Variants in DST observed in about 807,000 individuals in gnomAD.
The protein encoded by DST is dystonin, also known as bullous pemphigoid antigen.
Under a neutral mutation model 875.2 loss-of-function variants are expected in DST, and 253 were observed. The observed-to-expected ratio is 0.29, with a 90% CI of 0.26 to 0.32. The LOEUF (loss-of-function observed/expected upper bound fraction) is 0.32, where lower values mean the gene tolerates loss of function less well. Among genes scored for constraint, DST ranks in the 10% least tolerant of loss-of-function variants. The pLI is 1.00. For synonymous variants in DST, 3,124 were observed against 3,197.1 expected (o/e 0.98, Z 0.77); for missense variants, 8,287 against 9,111.6 (o/e 0.91, Z 3.68).
chr6:56,656,470 T>TA (rs1271455427), intron 10 of DST, among the ~76,000 whole-genome samples: 1 of 152,230 alleles, frequency 6.6e-6, no homozygotes, highest in African/African-American at 2.4e-5. Flanking sequence ...TAAATACTGA[T>TA]ACCTACTATG....
chr6:56,587,314 A>T (rs1370383925), intron 49 of DST, among the ~76,000 whole-genome samples: 1 of 152,264 alleles, frequency 6.6e-6, no homozygotes, highest in African/African-American at 2.4e-5. Context: ...GGTATCAGCG[A>T]TGGAAGATGA....
At position 56,526,525 on chromosome 6, in the gene DST, A is replaced by C; in HGVS notation, c.17965T>G (p.Ser5989Ala). The change falls in exon 69 of 104, where the codon TCC becomes GCC. Residue 5989 changes from serine (S) to alanine (A), a missense_variant. Transcript: ENST00000680361. ...AAAGCACTGCTCACTTCATTAAGGG[A>C]GTCCAGTAAGGCTTTGTTGTTCTTA... Reference protein sequence around the residue: ...EAKNNKALLDSLNEVSSALLE... With the variant: ...EAKNNKALLDALNEVSSALLE... 6.2e-7 allele frequency: 1 copy of C among 1,613,726 alleles called. No homozygotes were observed. Among genetic ancestry groups the C allele is most frequent in the Non-Finnish European group, 8.5e-7 (1 of 1,179,722 alleles).
chr6:56,819,238 A>G (rs1046488350), intron 4 of DST, among the ~76,000 whole-genome samples: 1 of 152,190 alleles, frequency 6.6e-6, no homozygotes, highest in Non-Finnish European at 1.5e-5. Context: ...CGGCTAAAAC[A>G]TCTACCAGAG....
At chr6:56,556,532 A>T (rs1048010968) in intron 59 of DST, among the ~76,000 whole-genome samples, 1 of 152,122 alleles carries the variant, frequency 6.6e-6, no homozygotes, top group African/African-American at 2.4e-5. Context: ...CCAGATATTT[A>T]CTTTTATCTT....
rs114106246 is a variant in DST at position 56,570,197 on chromosome 6, C to T, written c.13722-185G>A. 9.2e-3 allele frequency among the ~76,000 whole-genome samples: 1,393 copies of T among 152,230 alleles called. 20 individuals carry two copies. Among genetic ancestry groups the T allele is most frequent in the African/African-American group, 0.032 (1,310 of 41,512 alleles). ...CAGTAGTCCCCAGCCTTTCAGGTAC[C>T]AGGGACCAGTTTCGTAGAAGATAAT... On this transcript the variant is annotated intron_variant, in intron 53 of 103. Coordinates refer to ENST00000680361, the MANE Select transcript of DST (RefSeq NM_001374736.1).
intron 4 of DST, among the ~76,000 whole-genome samples, chr6:56,810,216 G>A (rs907054958): frequency 6.6e-6 from 1 of 152,148 alleles, no homozygotes; most frequent in Non-Finnish European, 1.5e-5. Flanking sequence ...AGGCTGAGAT[G>A]AAAAGATCGC....
rs572281220 is a variant in DST, at chr6:56,698,615, G to A, written c.1047+1038C>T. On this transcript the variant is annotated intron_variant, in intron 9 of 103. Transcript: ENST00000680361. ...GTTGGGATTACAGGCGTGAGCCACC[G>A]CGCCCAGCCTTTAAAAAAGTCTTAT... is the stretch of plus-strand genomic sequence containing the variant. Among the ~76,000 whole-genome samples, 5 of 152,240 alleles carry A rather than the reference G, an allele frequency of 3.3e-5. No individual in the cohort carries two copies. The South Asian group carries it at 8.3e-4, about 25-fold the overall frequency.
At chr6:56,661,846 C>T (rs528831827) in intron 10 of DST, among the ~76,000 whole-genome samples, 140 of 152,264 alleles carry the variant, frequency 9.2e-4, no homozygotes, top group Non-Finnish European at 1.7e-3. Context: ...CCTTGGCCTC[C>T]CAAAGTGCTG....
chr6:56,816,555 T>C (rs2099766734), intron 4 of DST, among the ~76,000 whole-genome samples: 1 of 152,206 alleles, frequency 6.6e-6, no homozygotes. Context: ...TTCAACTGCA[T>C]AGCAACAGCA....
intron 3 of DST, among the ~76,000 whole-genome samples, chr6:56,880,841 T>C (rs866496130): frequency 8.7e-4 from 100 of 114,372 alleles, no homozygotes; most frequent in South Asian, 1.3e-3. Context: ...GTCTTTCTTT[T>C]TTTTTTTTTT....
chr6:56,916,778 T>TCTCTCACACACACACA (rs1470233953), intron 2 of DST, among the ~76,000 whole-genome samples: 4 of 91,344 alleles, frequency 4.4e-5, no homozygotes, highest in African/African-American at 2.0e-4. Context: ...TCTCTCTCTC[T>TCTCTCACACACACACA]CACACACACA....
chr6:56,835,562 A>G (rs2099792622), intron 4 of DST, among the ~76,000 whole-genome samples: 1 of 152,224 alleles, frequency 6.6e-6, no homozygotes, highest in Non-Finnish European at 1.5e-5. Flanking sequence ...AGGAAGAGCC[A>G]CAGTACTTGA....
In DST at chr6:56,611,384, T is replaced by TA. The variant is rs10643818; in HGVS notation, c.5147+123dup. 17 of 677,206 alleles carry TA rather than the reference T, an allele frequency of 2.5e-5. No homozygotes were observed. In the Admixed American group the frequency reaches 3.0e-4, roughly 12 times the overall value. The allele number at this position is 677,206 out of a possible 1,614,324, so 41.9% of individuals were successfully genotyped here. A position where few individuals can be genotyped will look rare whatever the true frequency, so the allele number is the denominator to read the frequency against. ...GTTGATACTCTTTACATTACTATAT[T>TA]AATTGTGATTAGTTTGAGTCCCATA... On this transcript the variant is annotated intron_variant, in intron 38 of 103. Coordinates refer to ENST00000680361, the MANE Select transcript of DST (RefSeq NM_001374736.1).
At chr6:56,531,723 C>G (rs1236607107) in intron 64 of DST, among the ~76,000 whole-genome samples, 1 of 152,118 alleles carries the variant, frequency 6.6e-6, no homozygotes, top group Non-Finnish European at 1.5e-5. Context: ...GGCATCAATG[C>G]AGATACTGAA....
chr6:56,665,309 A>T (rs2099066835), intron 10 of DST, among the ~76,000 whole-genome samples: 1 of 152,238 alleles, frequency 6.6e-6, no homozygotes, highest in South Asian at 2.1e-4. Context: ...CTAATTAGTT[A>T]AACAACTAAA....
chr6:56,632,661 A>C (rs1015878584), intron 28 of DST, among the ~76,000 whole-genome samples, 193 bp downstream of exon 28: 3 of 152,242 alleles, frequency 2.0e-5, no homozygotes, highest in Non-Finnish European at 4.4e-5. Context: ...TCATTAATTT[A>C]TCATTTGGAA....
chr6:56,577,983 C>T (rs185793270), intron 50 of DST, among the ~76,000 whole-genome samples: 15 of 151,322 alleles, frequency 9.9e-5, no homozygotes, highest in South Asian at 2.1e-4. Flanking sequence ...CTTTTGCACC[C>T]GGCCTGAGAG....
intron 36 of DST, chr6:56,618,467 T>A (rs759480934): frequency 1.9e-6 from 3 of 1,614,232 alleles, no homozygotes; most frequent in Non-Finnish European, 2.5e-6. Context: ...TTGATGTTCA[T>A]GCTCTTTGAT....
Position 56,782,305 on chromosome 6 carries a change from C to T in DST, c.626-47016G>A, listed in dbSNP as rs1023400766. Among the ~76,000 whole-genome samples the T allele has an allele frequency of 1.5e-3, 231 of 152,254 alleles. 1 individual carries two copies. Among genetic ancestry groups the T allele is most frequent in the African/African-American group, 5.0e-3 (208 of 41,550 alleles). On this transcript the variant is annotated intron_variant, in intron 4 of 103. Transcript: ENST00000680361. Reference sequence around the variant, plus strand: ...CTAGTTTCAGAAGGAATGGTACCAGCTCCTCCTTGTACCTCTGGTAGAATT... The same window carrying T: ...CTAGTTTCAGAAGGAATGGTACCAGTTCCTCCTTGTACCTCTGGTAGAATT...
Sources: gnomAD v4.1 joint callset for allele counts (sites outside exome capture counted in the v4.1 genomes callset) on GRCh38, gnomAD v4.1.1 for gene constraint, MANE v1.5 for transcripts, NCBI Gene and HGNC (gene_info 2026-07-23, HGNC 2026-07-21) for gene names.